The following TADA1 variants were observed in gnomAD, a reference collection of about 807,000 sequenced individuals.
TADA1 encodes the protein transcriptional adaptor 1, also known as transcriptional adapter 1.
Under a neutral mutation model 39.3 loss-of-function variants are expected in TADA1, and 23 were observed. The ratio of observed to expected loss-of-function variants is 0.58; its 90% CI spans 0.42 to 0.83. The LOEUF is 0.83. Among genes scored for constraint, TADA1 ranks in the 40% least tolerant of loss-of-function variants. The probability of loss-of-function intolerance (pLI) is 0.00; values close to 1 mark genes in which losing one functional copy is unlikely to be tolerated. For missense variants in TADA1, 352 were observed against 408.1 expected, an observed-to-expected ratio of 0.86 and a Z score of 1.18; for synonymous variants, 137 against 151.8, an observed-to-expected ratio of 0.90 and a Z score of 0.72.
rs1353995087 is a variant in TADA1 at position 166,869,510 on chromosome 1, A to G, written c.167T>C (p.Val56Ala). 1.2e-6 allele frequency: 2 copies of G among 1,613,564 alleles called. No homozygotes were observed. The highest frequency in any genetic ancestry group is 1.3e-5 in the African/African-American group (1 of 75,022). Residue 56 changes from valine (V) to alanine (A), a missense_variant and splice_region_variant, in exon 3 of 8, where the codon GTC becomes GCC. By Grantham distance (64) the Val-to-Ala change is moderately conservative. Around this residue, in one of 3 missense-constraint regions of TADA1, gnomAD observed 36 missense variants for 72.0 expected, o/e 0.50. Transcript: ENST00000367874. ...EAHRLLTQDNVHSHNDFLLAI... is the reference protein window; with the variant it reads ...EAHRLLTQDNAHSHNDFLLAI... ...CAGGAGGAAATCATTGTGAGAATGG[A>G]CTGAAAAAGGAAAGATAGTGACAAT...
In TADA1 at chr1:166,858,105, G is replaced by T; in HGVS notation, c.855+14C>A. 1 of 1,613,846 alleles carries T rather than the reference G, an allele frequency of 6.2e-7. No individual in the cohort carries two copies. Among genetic ancestry groups the T allele is most frequent in the South Asian group, 1.1e-5 (1 of 91,028 alleles). On this transcript the variant is annotated intron_variant, in intron 7 of 7. Transcript: ENST00000367874. The stretch of plus-strand genomic sequence containing the variant: ...TCCATAAACCTAGGTAAACTTTAAG[G>T]AGCCAAGACTTACCTGCAAAGCTTC...
At position 166,858,285 on chromosome 1, in the gene TADA1, A is replaced by T; in HGVS notation, c.693-4T>A. 1 of 1,534,366 alleles carries T rather than the reference A, an allele frequency of 6.5e-7. No homozygotes were observed. Among genetic ancestry groups the T allele is most frequent in the Non-Finnish European group, 8.7e-7 (1 of 1,143,686 alleles). On this transcript the variant is annotated splice_polypyrimidine_tract_variant and splice_region_variant and intron_variant, in intron 6 of 7. Coordinates refer to ENST00000367874, the MANE Select transcript of TADA1 (RefSeq NM_053053.4). ...GGGAGCAGTAAAAGCTGGAGGGCTG[A>T]AAATAAAAATTTCAGAAATAGTCCC...
At chr1:166,861,148 T>C (rs913711596) in intron 5 of TADA1, among the ~76,000 whole-genome samples, 2 of 152,180 alleles carry the variant, frequency 1.3e-5, no homozygotes, top group African/African-American at 4.8e-5. Flanking sequence ...TCTCTTCACT[T>C]TCATGAGAGC....
chr1:166,860,074 T>C, intron 6 of TADA1, 112 bp downstream of exon 6: 1 of 1,054,252 alleles, frequency 9.5e-7, no homozygotes, highest in South Asian at 2.0e-5. Context: ...TGTACTCCTA[T>C]TAAAGGTACT....
intron 1 of TADA1, among the ~76,000 whole-genome samples, chr1:166,874,350 A>C (rs1658720814): frequency 6.6e-6 from 1 of 152,194 alleles, no homozygotes; most frequent in Non-Finnish European, 1.5e-5. Flanking sequence ...AAAAAAAAAA[A>C]AGGTAAATTT....
In TADA1 at chr1:166,875,554, T is replaced by C. The variant is rs551910607; in HGVS notation, c.74+606A>G. 2.9e-4 allele frequency among the ~76,000 whole-genome samples: 44 copies of C among 152,350 alleles called. 1 individual carries two copies. The highest frequency in any genetic ancestry group is 1.0e-3 in the African/African-American group (43 of 41,586). On this transcript the variant is annotated intron_variant, in intron 1 of 7. Coordinates refer to ENST00000367874, the MANE Select transcript of TADA1 (RefSeq NM_053053.4). ...AACTGTACCTATCTCACATCTGTTG[T>C]AAGGATTAGATAATATATTTAGAGA... is the stretch of plus-strand genomic sequence containing the variant.
chr1:166,869,991 G>T, intron 1 of TADA1, 137 bp from the exon 2 acceptor site: 1 of 674,062 alleles, frequency 1.5e-6, no homozygotes. Context: ...TCAGAGCTCT[G>T]AACTTCTGGC....
At chr1:166,860,125 A>G (rs1658373861) in intron 6 of TADA1, 61 bp downstream of exon 6, 4 of 1,494,966 alleles carry the variant, frequency 2.7e-6, no homozygotes, top group Non-Finnish European at 2.7e-6. Context: ...ACAATGGTCT[A>G]TAAGAGGAGT....
At chr1:166,866,557 T>C (rs1030201210) in intron 3 of TADA1, among the ~76,000 whole-genome samples, 2 of 152,184 alleles carry the variant, frequency 1.3e-5, no homozygotes, top group African/African-American at 4.8e-5. Context: ...TGCTAACAAA[T>C]ATTAATTTCA....
At chr1:166,871,837 A>C (rs1000477805) in intron 1 of TADA1, among the ~76,000 whole-genome samples, 10 of 152,204 alleles carry the variant, frequency 6.6e-5, no homozygotes, top group South Asian at 2.1e-4. Context: ...ACAACAACAA[A>C]AAAAATAAAA....
At chr1:166,865,541 C>T (rs1345541456) in intron 3 of TADA1, among the ~76,000 whole-genome samples, 5 of 151,694 alleles carry the variant, frequency 3.3e-5, no homozygotes, top group Non-Finnish European at 7.4e-5. Flanking sequence ...AGGCCGGGTG[C>T]GGTGGCTCAA....
At position 166,862,428 on chromosome 1, in the gene TADA1, A is replaced by G; in HGVS notation, c.331-16T>C. 6.2e-7 allele frequency: 1 copy of G among 1,608,864 alleles called. No individual in the cohort carries two copies. Among genetic ancestry groups the G allele is most frequent in the Non-Finnish European group, 8.5e-7 (1 of 1,175,876 alleles). On this transcript the variant is annotated splice_polypyrimidine_tract_variant and intron_variant, in intron 4 of 7. Coordinates refer to ENST00000367874, the MANE Select transcript of TADA1 (RefSeq NM_053053.4). ...GGAATCTATGCTATGAGTAAGAAAA[A>G]CTTTTTAAAATTACTCATTACAGTA...
At chr1:166,869,953 T>C (rs1658621699) in intron 1 of TADA1, 99 bp from the exon 2 acceptor site, 1 of 986,476 alleles carries the variant, frequency 1.0e-6, no homozygotes, top group Admixed American at 2.1e-5. Flanking sequence ...TTTTATTCTG[T>C]CACTCAGGCT....
intron 4 of TADA1, chr1:166,863,308 C>T (rs1476350): frequency 0.38 from 57,965 of 153,996 alleles, 11,045 homozygotes; most frequent in Middle Eastern, 0.49. Context: ...GCTATCAATA[C>T]CCCATAAACC....
At chr1:166,871,912 A>C (rs1199920213) in intron 1 of TADA1, among the ~76,000 whole-genome samples, 1 of 152,266 alleles carries the variant, frequency 6.6e-6, no homozygotes, top group African/African-American at 2.4e-5. Context: ...ATTTTATAAG[A>C]AGCAAATGTA....
At chr1:166,876,061 G>GC in intron 1 of TADA1, 99 bp downstream of exon 1, 1 of 1,215,492 alleles carries the variant, frequency 8.2e-7, no homozygotes, top group Non-Finnish European at 1.1e-6. Flanking sequence ...GGCTGCACAG[G>GC]CCCCCGGGCG....
intron 2 of TADA1, 30 bp downstream of exon 2, chr1:166,869,733 G>GTAAA: frequency 6.3e-7 from 1 of 1,587,372 alleles, no homozygotes; most frequent in East Asian, 2.2e-5. Context: ...CTACAGAATA[G>GTAAA]TAAAATAACT....
chr1:166,869,383 A>G, intron 3 of TADA1, 62 bp downstream of exon 3: 1 of 1,409,866 alleles, frequency 7.1e-7, no homozygotes, highest in South Asian at 1.2e-5. Context: ...TGTCTATTAG[A>G]GAAAGCTAAA....
At chr1:166,869,391 A>G (rs775597991) in intron 3 of TADA1, 54 bp downstream of exon 3, 5 of 1,474,578 alleles carry the variant, frequency 3.4e-6, no homozygotes, top group Non-Finnish European at 4.7e-6. Flanking sequence ...AGAGAAAGCT[A>G]AAGTCTAGTG....
Sources: allele counts gnomAD v4.1 joint callset (sites outside exome capture counted in the v4.1 genomes callset), GRCh38; gene constraint gnomAD v4.1.1; regional missense constraint gnomAD v4.1.1; transcripts MANE v1.5; gene names NCBI Gene and HGNC (gene_info 2026-07-23, HGNC 2026-07-21).